The following SHISAL1 variants were observed in gnomAD, a reference collection of about 807,000 sequenced individuals.
The protein encoded by SHISAL1 is shisa like 1, also known as protein shisa-like-1.
A neutral mutation model predicts 22.6 loss-of-function variants in SHISAL1; 9 were observed. The ratio of observed to expected loss-of-function variants is 0.40; its 90% CI spans 0.24 to 0.70. The LOEUF is 0.70. SHISAL1 is among the 30% of genes least tolerant of loss of function. The probability of loss-of-function intolerance (pLI) is 0.39; values close to 1 mark genes in which losing one functional copy is unlikely to be tolerated. For synonymous variants in SHISAL1, 119 were observed against 115.4 expected (o/e 1.03, Z -0.20); for missense variants, 246 against 270.6 (o/e 0.91, Z 0.64).
At chr22:44,328,248 AGGT>A in the SHISAL1 span, among the ~76,000 whole-genome samples, 10 of 152,098 alleles carry the variant, frequency 6.6e-5, no homozygotes, top group Non-Finnish European at 1.3e-4. Flanking sequence ...ACCCCTCACT[AGGT>A]GGTATAGTGT....
At chr22:44,317,251 C>T (rs1006398033), upstream of SHISAL1, among the ~76,000 whole-genome samples, 2 of 152,246 alleles carry the variant, frequency 1.3e-5, no homozygotes, top group African/African-American at 2.4e-5. Flanking sequence ...GATGGAAGGA[C>T]GTGCCTCTCG....
At chr22:44,259,756 A>C (rs1226598332) in intron 4 of SHISAL1, among the ~76,000 whole-genome samples, 2 of 152,210 alleles carry the variant, frequency 1.3e-5, no homozygotes, top group Admixed American at 1.3e-4. Flanking sequence ...GCTGGACCAC[A>C]ATGTCAGAAT....
the SHISAL1 span, among the ~76,000 whole-genome samples, chr22:44,329,448 C>T: frequency 6.8e-6 from 1 of 146,082 alleles, no homozygotes. Context: ...GGGACACACA[C>T]ACACACACAC....
Position 44,285,432 on chromosome 22 carries a change from C to A in SHISAL1, c.595G>T (p.Ala199Ser), listed in dbSNP as rs781123903. 1 of 1,614,038 alleles carries A rather than the reference C, an allele frequency of 6.2e-7. No homozygotes were observed. The highest frequency in any genetic ancestry group is 1.1e-5 in the South Asian group (1 of 91,076). Residue 199 changes from alanine to serine, a missense_variant, in exon 4 of 5, where the codon GCC becomes TCC. By Grantham distance (99) the Ala-to-Ser change is moderately conservative. Transcript: ENST00000381176. ...GTCTCAATTGTAGCCACTCACCAGGCAGACGAACTCTGGAAGGTCATCAGC... is the reference window on the plus strand; with the variant it reads ...GTCTCAATTGTAGCCACTCACCAGGAAGACGAACTCTGGAAGGTCATCAGC... ...PPLMTFQSSS[A>S] is the part of the protein sequence containing the mutation.
chr22:44,299,262 C>T (rs1374585686), intron 2 of SHISAL1, among the ~76,000 whole-genome samples: 2 of 152,192 alleles, frequency 1.3e-5, no homozygotes, highest in East Asian at 3.9e-4. Context: ...AGGAGAGAGC[C>T]GCATTTCGGG....
intron 4 of SHISAL1, among the ~76,000 whole-genome samples, chr22:44,270,538 C>G (rs528801038): frequency 6.6e-6 from 1 of 152,148 alleles, no homozygotes; most frequent in South Asian, 2.1e-4. Flanking sequence ...AGAGGGGGAC[C>G]TTGGAGGCTT....
the SHISAL1 span, among the ~76,000 whole-genome samples, chr22:44,331,122 T>C: frequency 6.6e-6 from 1 of 151,166 alleles, no homozygotes; most frequent in Non-Finnish European, 1.5e-5. This position sits in a 1 kb window ranked among gnomAD's most constrained non-coding sequence, Gnocchi z 5.2. Flanking sequence ...CCCGAACTGC[T>C]CTCTTCGGAA....
chr22:44,303,379 A>T (rs2055446671), intron 1 of SHISAL1, among the ~76,000 whole-genome samples: 1 of 152,140 alleles, frequency 6.6e-6, no homozygotes, highest in Non-Finnish European at 1.5e-5. Context: ...AGGGTGAAGT[A>T]GGGTGGCTCC....
intron 3 of SHISAL1, among the ~76,000 whole-genome samples, chr22:44,290,542 A>C (rs1441961838): frequency 2.0e-5 from 3 of 151,530 alleles, no homozygotes; most frequent in Admixed American, 1.3e-4. Flanking sequence ...AAAAAAAAAA[A>C]AACAAAAAAC....
intron 3 of SHISAL1, among the ~76,000 whole-genome samples, chr22:44,289,209 G>C (rs1185432153): frequency 6.6e-6 from 1 of 152,218 alleles, no homozygotes; most frequent in African/African-American, 2.4e-5. Flanking sequence ...ATGAGACCCA[G>C]AGAGGCAAAG....
At chr22:44,259,937 G>T (rs558430309) in intron 4 of SHISAL1, among the ~76,000 whole-genome samples, 77 of 152,218 alleles carry the variant, frequency 5.1e-4, no homozygotes, top group African/African-American at 1.7e-3. Context: ...ACTACAGGTC[G>T]ATTTGTTTAG....
chr22:44,261,258 TCTCCA>T, intron 4 of SHISAL1, among the ~76,000 whole-genome samples: 1 of 151,676 alleles, frequency 6.6e-6, no homozygotes, highest in South Asian at 2.1e-4. Flanking sequence ...GGTTTTGTGG[TCTCCA>T]CTCCAAAGTA....
intron 3 of SHISAL1, among the ~76,000 whole-genome samples, chr22:44,292,089 T>C (rs1442651575): frequency 6.6e-6 from 1 of 152,090 alleles, no homozygotes; most frequent in African/African-American, 2.4e-5. Flanking sequence ...ATTCTGTTCC[T>C]CCAGAAAAAT....
chr22:44,251,101 C>A (rs993265809), intron 4 of SHISAL1, among the ~76,000 whole-genome samples: 13 of 152,332 alleles, frequency 8.5e-5, no homozygotes, highest in African/African-American at 2.4e-4. Flanking sequence ...CTCCATCCAG[C>A]ATACCACCTA....
At chr22:44,258,705 G>A (rs1442030723) in intron 4 of SHISAL1, among the ~76,000 whole-genome samples, 1 of 152,172 alleles carries the variant, frequency 6.6e-6, no homozygotes, top group Non-Finnish European at 1.5e-5. Flanking sequence ...CTTCCATACA[G>A]TTCTCAGAAG....
intron 4 of SHISAL1, among the ~76,000 whole-genome samples, chr22:44,255,222 T>C (rs1359989966): frequency 1.3e-5 from 2 of 152,222 alleles, no homozygotes; most frequent in Non-Finnish European, 2.9e-5. Flanking sequence ...AGTTTCACTC[T>C]GTTGCCCAGG....
rs748472420 is a variant in SHISAL1, at chr22:44,296,834, C to A, written c.119G>T (p.Arg40Leu). ...GGGGCAGTGGAAGCCAAAGTGGTAG[C>A]GGCCTTTGTGGTCTGTGTATGGTTC... ...VCEPYTDHKG[R>L]YHFGFHCPRL... is the part of the protein sequence containing the mutation. The change falls in exon 3 of 5, where the codon CGC (arginine) becomes CTC (leucine). Residue 40 changes from arginine to leucine, a missense_variant. By Grantham distance (102) the Arg-to-Leu change is moderately radical. This residue lies in a region of SHISAL1 where 110 missense variants were observed against 153.1 expected (regional missense o/e 0.72). Transcript: ENST00000381176. 1.2e-6 allele frequency: 2 copies of A among 1,613,350 alleles called. No individual in the cohort carries two copies. The highest frequency in any genetic ancestry group is 2.7e-5 in the African/African-American group (2 of 74,920).
intron 4 of SHISAL1, among the ~76,000 whole-genome samples, chr22:44,261,211 G>A (rs2055122162): frequency 1.0e-5 from 1 of 98,752 alleles, no homozygotes; most frequent in Non-Finnish European, 2.4e-5. Flanking sequence ...GCCTTAGCTG[G>A]GCCTCAGGGC....
chr22:44,269,073 C>G (rs1233276081), intron 4 of SHISAL1, among the ~76,000 whole-genome samples: 1 of 152,038 alleles, frequency 6.6e-6, no homozygotes, highest in Non-Finnish European at 1.5e-5. Context: ...CTTTCTACTG[C>G]CCGGGACAGT....
Sources: allele counts gnomAD v4.1 joint callset (sites outside exome capture counted in the v4.1 genomes callset), GRCh38; gene constraint gnomAD v4.1.1; regional missense constraint gnomAD v4.1.1; non-coding constraint Gnocchi (gnomAD v3.1); transcripts MANE v1.5; gene names NCBI Gene and HGNC (gene_info 2026-07-23, HGNC 2026-07-21).